PTPRT: variants seen among roughly 807,000 people sequenced by gnomAD.
PTPRT encodes protein tyrosine phosphatase receptor type T, also known as receptor-type tyrosine-protein phosphatase T.
In PTPRT, 56 loss-of-function variants were observed where a neutral mutation model predicts 176.8. The ratio of observed to expected loss-of-function variants is 0.32; its 90% CI spans 0.26 to 0.40. PTPRT has a LOEUF of 0.40. Ranked by LOEUF, PTPRT falls within the 10% of genes least tolerant of loss-of-function variation. PTPRT has a pLI of 1.00. For missense variants in PTPRT, 1,540 were observed against 1,908.2 expected (o/e 0.81, Z 3.60); for synonymous variants, 783 against 739.0 (o/e 1.06, Z -0.96).
chr20:43,166,259 A>T (rs866697901), intron 1 of PTPRT, among the ~76,000 whole-genome samples: 4 of 151,772 alleles, frequency 2.6e-5, no homozygotes, highest in Non-Finnish European at 4.4e-5. Flanking sequence ...CCCAGGAGGC[A>T]GAAGTTGCAG....
intron 1 of PTPRT, among the ~76,000 whole-genome samples, chr20:43,187,620 G>A (rs1371707681): frequency 1.3e-5 from 2 of 151,944 alleles, no homozygotes; most frequent in Non-Finnish European, 2.9e-5. Flanking sequence ...TTCGTTTAAG[G>A]AGCCCCTGGC....
At chr20:42,768,850 T>C (rs2077022753) in intron 5 of PTPRT, among the ~76,000 whole-genome samples, 1 of 152,218 alleles carries the variant, frequency 6.6e-6, no homozygotes, top group South Asian at 2.1e-4. Flanking sequence ...TCTTCAAATA[T>C]TCAGTTATGA....
intron 11 of PTPRT, among the ~76,000 whole-genome samples, chr20:42,328,788 A>C (rs1366526027): frequency 1.3e-5 from 2 of 152,218 alleles, no homozygotes; most frequent in Admixed American, 6.5e-5. Flanking sequence ...CGTTGCCCGG[A>C]AAGCTCTACC....
chr20:42,753,073 A>T (rs2076787571), intron 6 of PTPRT, among the ~76,000 whole-genome samples: 2 of 152,256 alleles, frequency 1.3e-5, no homozygotes, highest in South Asian at 4.1e-4. Context: ...TCAAAATGGC[A>T]AGTTAGCTAG....
chr20:42,961,231 G>A (rs1181442640), intron 1 of PTPRT, among the ~76,000 whole-genome samples: 1 of 152,188 alleles, frequency 6.6e-6, no homozygotes. Flanking sequence ...GAATACAGAA[G>A]CAGCACTGTG....
At chr20:42,736,375 G>C (rs1001548113) in intron 6 of PTPRT, among the ~76,000 whole-genome samples, 3 of 152,160 alleles carry the variant, frequency 2.0e-5, no homozygotes, top group Non-Finnish European at 4.4e-5. Flanking sequence ...TATCGTGAAG[G>C]GCTTTGTCCA....
intron 7 of PTPRT, among the ~76,000 whole-genome samples, chr20:42,654,054 A>C (rs780016645): frequency 5.9e-5 from 9 of 152,170 alleles, no homozygotes; most frequent in Non-Finnish European, 1.2e-4. Context: ...AGGACAGGAC[A>C]GGGGAGGCTG....
At chr20:42,423,035 G>A (rs895400904) in intron 9 of PTPRT, among the ~76,000 whole-genome samples, 1 of 151,960 alleles carries the variant, frequency 6.6e-6, no homozygotes, top group African/African-American at 2.4e-5. Flanking sequence ...CACACACTGG[G>A]GCCTTTCAGA....
chr20:42,068,678 A>G (rs142026052), downstream of PTPRT, among the ~76,000 whole-genome samples: 9 of 152,342 alleles, frequency 5.9e-5, 1 homozygote, highest in East Asian at 1.2e-3. Flanking sequence ...ATGATTCAGC[A>G]TCAACCACTG....
chr20:42,768,206 T>C (rs116529070), intron 5 of PTPRT, among the ~76,000 whole-genome samples: 216 of 152,136 alleles, frequency 1.4e-3, no homozygotes, highest in African/African-American at 5.0e-3. Flanking sequence ...CTTGAAAAAA[T>C]AGTTACTGAA....
chr20:42,670,781 G>T (rs1186778993), intron 7 of PTPRT, among the ~76,000 whole-genome samples: 1 of 152,154 alleles, frequency 6.6e-6, no homozygotes, highest in African/African-American at 2.4e-5. Context: ...CTGGATTGTT[G>T]ATTTGTGATT....
chr20:42,537,679 C>A (rs1231249344), intron 7 of PTPRT, among the ~76,000 whole-genome samples: 2 of 152,178 alleles, frequency 1.3e-5, no homozygotes. Flanking sequence ...ATGTCCCAAG[C>A]TCCATACTAG....
chr20:42,429,686 C>A (rs2059198554), intron 9 of PTPRT, among the ~76,000 whole-genome samples: 1 of 152,200 alleles, frequency 6.6e-6, no homozygotes, highest in Admixed American at 6.5e-5. Flanking sequence ...GCCAGGAAGT[C>A]TAAGAATTCT....
At chr20:42,973,300 C>A (rs1982762010) in intron 1 of PTPRT, among the ~76,000 whole-genome samples, 1 of 152,018 alleles carries the variant, frequency 6.6e-6, no homozygotes. Context: ...GGAAAAAAAA[C>A]CTTGAAAATA....
chr20:42,733,003 G>A (rs528958135), intron 6 of PTPRT, among the ~76,000 whole-genome samples: 5 of 152,116 alleles, frequency 3.3e-5, no homozygotes, highest in African/African-American at 4.8e-5. Flanking sequence ...TGAATAAATG[G>A]GAACACTGAT....
At chr20:42,720,912 A>G (rs980732600) in intron 6 of PTPRT, among the ~76,000 whole-genome samples, 2 of 152,218 alleles carry the variant, frequency 1.3e-5, no homozygotes, top group East Asian at 1.9e-4. Flanking sequence ...ACCTCCTGGC[A>G]TGCAGCCCTG....
intron 7 of PTPRT, among the ~76,000 whole-genome samples, chr20:42,488,698 C>A (rs1249120381): frequency 6.6e-6 from 1 of 152,030 alleles, no homozygotes. Context: ...GGCGCAGTGG[C>A]TCATGCCTGT....
intron 17 of PTPRT, among the ~76,000 whole-genome samples, chr20:42,143,901 G>A (rs542760513): frequency 1.8e-4 from 27 of 152,316 alleles, no homozygotes; most frequent in Non-Finnish European, 3.7e-4. Context: ...CCCACCATGG[G>A]GTTGGCACAA....
chr20:43,140,495 T>TAC (rs1346727444), intron 1 of PTPRT, among the ~76,000 whole-genome samples: 1 of 148,828 alleles, frequency 6.7e-6, no homozygotes, highest in East Asian at 2.0e-4. Flanking sequence ...TGTGTGTGTG[T>TAC]ACATACATGC....
Sources: gnomAD v4.1 joint callset for allele counts (sites outside exome capture counted in the v4.1 genomes callset) on GRCh38, gnomAD v4.1.1 for gene constraint, MANE v1.5 for transcripts, NCBI Gene and HGNC (gene_info 2026-07-23, HGNC 2026-07-21) for gene names.